The following TMTC3 variants were observed in gnomAD, a reference collection of about 807,000 sequenced individuals.
TMTC3 encodes transmembrane O-mannosyltransferase targeting cadherins 3.
In TMTC3, 52 loss-of-function variants were observed where a neutral mutation model predicts 92.2. The observed-to-expected ratio is 0.56, with a 90% CI of 0.45 to 0.71. TMTC3 has a LOEUF of 0.71. Among genes scored for constraint, TMTC3 ranks in the 30% least tolerant of loss-of-function variants. TMTC3 has a pLI of 0.00. For synonymous variants in TMTC3, 339 were observed against 363.3 expected (o/e 0.93, Z 0.76); for missense variants, 896 against 1,057.1 (o/e 0.85, Z 2.11).
chr12:88,193,762 A>G (rs985936676), intron 13 of TMTC3, among the ~76,000 whole-genome samples: 3 of 152,244 alleles, frequency 2.0e-5, no homozygotes, highest in Admixed American at 2.0e-4. Flanking sequence ...TGTCCAAAAA[A>G]GTAGAAATTT....
At chr12:88,157,257 T>C (rs961259462) in intron 4 of TMTC3, among the ~76,000 whole-genome samples, 1 of 151,856 alleles carries the variant, frequency 6.6e-6, no homozygotes, top group Non-Finnish European at 1.5e-5. Context: ...ACTGTGATAC[T>C]TTGTACTCTT....
At chr12:88,192,028 C>CTTTTTT (rs112229647) in intron 12 of TMTC3, among the ~76,000 whole-genome samples, 7,739 of 122,886 alleles carry the variant, frequency 0.063, 899 homozygotes, top group African/African-American at 0.22. Flanking sequence ...TTTTTTTTTT[C>CTTTTTT]TTTTTTTTTT....
intron 7 of TMTC3, among the ~76,000 whole-genome samples, chr12:88,170,248 T>C (rs921826828): frequency 2.0e-5 from 3 of 152,212 alleles, no homozygotes; most frequent in African/African-American, 7.2e-5. Context: ...TTGTATAGTT[T>C]ATGCATCAGT....
rs1565960196 is a variant in TMTC3, at chr12:88,192,727, T to C, written c.1830T>C (p.Leu610=). 1 of 1,613,558 alleles carries C rather than the reference T, an allele frequency of 6.2e-7. No homozygotes were observed. The highest frequency in any genetic ancestry group is 8.5e-7 in the Non-Finnish European group (1 of 1,179,700). ...WYNLAIVHIE[L]KEPNEALKNF... is the part of the protein sequence containing the mutation. ...ACTTGGCAATTGTACATATTGAACT[T>C]AAAGAACCAAATGAAGCCCTAAAAA... Residue 610 remains leucine (L), a synonymous_variant, in exon 13 of 14, where the codon CTT becomes CTC. Coordinates refer to ENST00000266712, the MANE Select transcript of TMTC3 (RefSeq NM_181783.4).
rs893866379 is a variant in TMTC3, at chr12:88,190,595, C to G, written c.1679C>G (p.Pro560Arg). Reference protein sequence around the residue: ...QLYRQAISMRPDFKQAYISRG... With the variant: ...QLYRQAISMRRDFKQAYISRG... The stretch of plus-strand genomic sequence containing the variant: ...TACCGTCAAGCAATAAGCATGAGGC[C>G]CGACTTCAAGCAGGCTTACATTAGC... Residue 560 changes from proline (P) to arginine (R), a missense_variant, in exon 12 of 14, where the codon CCC becomes CGC. Physicochemically the swap from Pro to Arg is moderately radical, Grantham distance 103 (BLOSUM62 -2). Coordinates refer to ENST00000266712, the MANE Select transcript of TMTC3 (RefSeq NM_181783.4). 30 of 1,613,530 alleles carry G rather than the reference C, an allele frequency of 1.9e-5. No homozygotes were observed. Among genetic ancestry groups the G allele is most frequent in the Non-Finnish European group, 2.5e-5 (30 of 1,179,712 alleles).
At chr12:88,181,800 T>A (rs1001087779) in intron 10 of TMTC3, among the ~76,000 whole-genome samples, 1 of 152,148 alleles carries the variant, frequency 6.6e-6, no homozygotes, top group African/African-American at 2.4e-5. Flanking sequence ...TGCTGGTAAA[T>A]CCAGAACAAG....
At chr12:88,190,971 A>G (rs1163458686) in intron 12 of TMTC3, among the ~76,000 whole-genome samples, 1 of 152,132 alleles carries the variant, frequency 6.6e-6, no homozygotes, top group Non-Finnish European at 1.5e-5. Context: ...TCTAATATCA[A>G]ACTCTCAGGA....
chr12:88,162,235 T>C (rs773824506), intron 6 of TMTC3, among the ~76,000 whole-genome samples: 2 of 152,208 alleles, frequency 1.3e-5, no homozygotes, highest in Non-Finnish European at 2.9e-5. Flanking sequence ...ATGTATGTTA[T>C]GTGTATTTTT....
rs1374531443 is a variant in TMTC3, at chr12:88,197,231, T to C, written c.*1582T>C. 6.6e-6 allele frequency: 1 copy of C among 151,610 alleles called. No homozygotes were observed. The highest frequency in any genetic ancestry group is 1.5e-5 in the Non-Finnish European group (1 of 67,648). 9.4% of individuals were successfully genotyped at this position (151,610 alleles called of 1,614,324 possible). A position where few individuals can be genotyped will look rare whatever the true frequency, so the allele number is the denominator to read the frequency against. ...AGGTCTGCATTAGAAGACCCACTCT[T>C]ACTAGGTTCCCTAAGGATCTGCCAT... On this transcript the variant is annotated 3_prime_UTR_variant, in exon 14 of 14. Coordinates refer to ENST00000266712, the MANE Select transcript of TMTC3 (RefSeq NM_181783.4).
At chr12:88,178,298 G>A (rs371851983) in intron 10 of TMTC3, among the ~76,000 whole-genome samples, 1 of 152,250 alleles carries the variant, frequency 6.6e-6, no homozygotes, top group East Asian at 1.9e-4. Context: ...CCTTCATGTA[G>A]TTTAGTTTTT....
At chr12:88,156,041 C>T (rs1055720020) in intron 4 of TMTC3, among the ~76,000 whole-genome samples, 2 of 151,936 alleles carry the variant, frequency 1.3e-5, no homozygotes, top group African/African-American at 4.8e-5. Flanking sequence ...ACCTGGGAGG[C>T]GGAGGTAGCA....
intron 6 of TMTC3, among the ~76,000 whole-genome samples, chr12:88,165,053 A>G (rs930453148): frequency 6.6e-6 from 1 of 152,024 alleles, no homozygotes. Flanking sequence ...TGAATCAACT[A>G]TTTTCTATTT....
At position 88,192,792 on chromosome 12, in the gene TMTC3, T is replaced by A. The variant is rs2041459079; in HGVS notation, c.1895T>A (p.Leu632Gln). The A allele has an allele frequency of 2.5e-6, 4 of 1,613,098 alleles. No homozygotes were observed. In the East Asian group the frequency reaches 8.9e-5, roughly 36 times the overall value. Residue 632 changes from leucine (L) to glutamine (Q), a missense_variant, in exon 13 of 14, where the codon CTA becomes CAA. Coordinates refer to ENST00000266712, the MANE Select transcript of TMTC3 (RefSeq NM_181783.4). The stretch of plus-strand genomic sequence containing the variant: ...CTGGAACTAAATCCAAAGCATAAAC[T>A]AGCATTATTCAACTCTGCTATAGTA... Reference protein sequence around the residue: ...RALELNPKHKLALFNSAIVMQ... With the variant: ...RALELNPKHKQALFNSAIVMQ...
chr12:88,156,817 T>G (rs1392333532), intron 4 of TMTC3, among the ~76,000 whole-genome samples: 2 of 150,886 alleles, frequency 1.3e-5, no homozygotes, highest in African/African-American at 4.8e-5. Flanking sequence ...GTGTGTTTTT[T>G]TTTTTTTTTT....
intron 7 of TMTC3, among the ~76,000 whole-genome samples, chr12:88,168,278 T>G (rs570759362): frequency 6.6e-6 from 1 of 152,332 alleles, no homozygotes; most frequent in East Asian, 1.9e-4. Flanking sequence ...AAATGAAATT[T>G]GTTTATGTGC....
At chr12:88,191,474 G>A (rs922074384) in intron 12 of TMTC3, among the ~76,000 whole-genome samples, 1 of 152,066 alleles carries the variant, frequency 6.6e-6, no homozygotes, top group Non-Finnish European at 1.5e-5. Flanking sequence ...GGAAAGAGTA[G>A]TATTATAAGA....
At chr12:88,189,167 C>T (rs2041412192) in intron 11 of TMTC3, among the ~76,000 whole-genome samples, 3 of 150,812 alleles carry the variant, frequency 2.0e-5, no homozygotes. Flanking sequence ...GATCTCAGCT[C>T]ACTGCAACCT....
chr12:88,188,836 A>G lies in TMTC3; in HGVS notation c.1433-7A>G. On this transcript the variant is annotated splice_polypyrimidine_tract_variant and splice_region_variant and intron_variant, in intron 10 of 13. Coordinates refer to ENST00000266712, the MANE Select transcript of TMTC3 (RefSeq NM_181783.4). Reference sequence around the variant, plus strand: ...CTTGCCAACAAATGATTGTTTTAAAATTTTAGATGATATTGGTGCCCATAT... The same window carrying G: ...CTTGCCAACAAATGATTGTTTTAAAGTTTTAGATGATATTGGTGCCCATAT... The G allele has an allele frequency of 6.8e-7, 1 of 1,467,058 alleles. No homozygotes were observed. Among genetic ancestry groups the G allele is most frequent in the Non-Finnish European group, 9.4e-7 (1 of 1,066,812 alleles). The allele number at this position is 1,467,058 out of a possible 1,614,324, so 90.9% of individuals were successfully genotyped here. A position where few individuals can be genotyped will look rare whatever the true frequency, so the allele number is the denominator to read the frequency against.
At chr12:88,183,764 T>C (rs1038660433) in intron 10 of TMTC3, among the ~76,000 whole-genome samples, 5 of 152,104 alleles carry the variant, frequency 3.3e-5, no homozygotes, top group Non-Finnish European at 7.4e-5. Flanking sequence ...CTGGGAACCA[T>C]GGGTTATGGG....
Sources: allele counts gnomAD v4.1 joint callset (sites outside exome capture counted in the v4.1 genomes callset), GRCh38; gene constraint gnomAD v4.1.1; transcripts MANE v1.5; gene names NCBI Gene and HGNC (gene_info 2026-07-23, HGNC 2026-07-21).